CARMIL1: variants seen among roughly 807,000 people sequenced by gnomAD.
The protein encoded by CARMIL1 is F-actin-uncapping protein LRRC16A.
CARMIL1 carries 90 observed loss-of-function variants against 177.1 expected under a neutral mutation model. The ratio of observed to expected loss-of-function variants is 0.51; its 90% confidence interval spans 0.43 to 0.61. The LOEUF is 0.61. Among genes scored for constraint, CARMIL1 ranks in the 20% least tolerant of loss-of-function variants. The probability of loss-of-function intolerance (pLI) is 0.00; values close to 1 mark genes in which losing one functional copy is unlikely to be tolerated. For synonymous variants in CARMIL1, 577 were observed against 606.2 expected (o/e 0.95, Z 0.71); for missense variants, 1,380 against 1,667.0 (o/e 0.83, Z 3.00).
intron 2 of CARMIL1, among the ~76,000 whole-genome samples, chr6:25,341,196 T>G (rs1786900667): frequency 6.6e-6 from 1 of 152,136 alleles, no homozygotes; most frequent in Non-Finnish European, 1.5e-5. Context: ...TTGCTGTCAT[T>G]TACATAGCTA....
At position 25,602,855 on chromosome 6, in the gene CARMIL1, T is replaced by C. The variant is rs542546934; in HGVS notation, c.3553-1957T>C. ...TGAGATATATACATATAAATATGTT[T>C]AAAGAAAAAGAACTGTAAGTATGAA... On this transcript the variant is annotated intron_variant, in intron 33 of 36. Transcript: ENST00000329474. Among the ~76,000 whole-genome samples the C allele has an allele frequency of 4.6e-5, 7 of 152,336 alleles. No homozygotes were observed. The East Asian group carries it at 1.2e-3, about 25-fold the overall frequency.
intron 2 of CARMIL1, among the ~76,000 whole-genome samples, chr6:25,321,238 A>C (rs1784650506): frequency 1.3e-5 from 2 of 152,224 alleles, no homozygotes; most frequent in Non-Finnish European, 2.9e-5. Flanking sequence ...ATCTTTATTG[A>C]GCACCCACCC....
chr6:25,301,705 T>C (rs537915736), intron 2 of CARMIL1, among the ~76,000 whole-genome samples: 51 of 152,318 alleles, frequency 3.3e-4, no homozygotes, highest in African/African-American at 9.4e-4. Flanking sequence ...CTGGGTAGCC[T>C]CTGCCTCTTT....
rs1808460958 is a variant in CARMIL1, at chr6:25,537,867, A to C, written c.2080A>C (p.Ile694Leu). The change falls in exon 25 of 37, where the codon ATA (isoleucine) becomes CTA (leucine). Residue 694 changes from isoleucine to leucine, a missense_variant. Transcript: ENST00000329474. ...TGGTTTGGAGCAGATGATTGACAGA[A>C]TATGTGTGAAAGTACAAGATCATCT... ...TSTTQQMIDR[I>L]CVKVQDHLNS... 2.5e-6 allele frequency: 4 copies of C among 1,610,812 alleles called. No individual in the cohort carries two copies. The highest frequency in any genetic ancestry group is 3.4e-6 in the Non-Finnish European group (4 of 1,178,794).
At chr6:25,378,416 T>C (rs1791220018) in intron 2 of CARMIL1, among the ~76,000 whole-genome samples, 1 of 152,204 alleles carries the variant, frequency 6.6e-6, no homozygotes, top group South Asian at 2.1e-4. Flanking sequence ...TGCCCCTCAG[T>C]TCTGGCCAAG....
At chr6:25,548,848 G>A (rs2151159443) in intron 26 of CARMIL1, among the ~76,000 whole-genome samples, 1 of 152,296 alleles carries the variant, frequency 6.6e-6, no homozygotes, top group South Asian at 2.1e-4. Context: ...CCAGTGACCA[G>A]CTGAGCAACC....
At chr6:25,453,148 A>G (rs539626238) in intron 8 of CARMIL1, among the ~76,000 whole-genome samples, 2 of 152,338 alleles carry the variant, frequency 1.3e-5, no homozygotes, top group South Asian at 4.1e-4. Flanking sequence ...CTGATATTAT[A>G]AAAGTTTTTT....
At chr6:25,368,466 A>G (rs1356098815) in intron 2 of CARMIL1, among the ~76,000 whole-genome samples, 2 of 152,252 alleles carry the variant, frequency 1.3e-5, no homozygotes, top group African/African-American at 2.4e-5. Flanking sequence ...CACATTGAAC[A>G]GACAGCTAAC....
At chr6:25,329,516 GGACAT>G (rs1785412217) in intron 2 of CARMIL1, among the ~76,000 whole-genome samples, 1 of 152,192 alleles carries the variant, frequency 6.6e-6, no homozygotes, top group Non-Finnish European at 1.5e-5. Context: ...TAAATGATCA[GGACAT>G]GACACATTCA....
chr6:25,556,020 T>C (rs1810580354), intron 28 of CARMIL1, among the ~76,000 whole-genome samples: 1 of 152,166 alleles, frequency 6.6e-6, no homozygotes, highest in South Asian at 2.1e-4. Context: ...AAGGAAATAC[T>C]GTCTTCAAAA....
intron 22 of CARMIL1, among the ~76,000 whole-genome samples, chr6:25,519,284 C>T (rs904072420): frequency 3.9e-5 from 6 of 152,138 alleles, no homozygotes; most frequent in African/African-American, 1.4e-4. Flanking sequence ...CACCAAGTAG[C>T]CCGAGGTGAA....
chr6:25,572,694 C>T (rs1451889114), intron 29 of CARMIL1, among the ~76,000 whole-genome samples: 1 of 126,916 alleles, frequency 7.9e-6, no homozygotes, highest in African/African-American at 3.0e-5. Context: ...TAGAGCCAGA[C>T]CTTGTCTCAA....
intron 8 of CARMIL1, chr6:25,452,603 G>T (rs977352477): frequency 6.3e-6 from 1 of 158,294 alleles, no homozygotes; most frequent in Non-Finnish European, 1.4e-5. Context: ...ACTAACATAG[G>T]TACTGTTTTT....
At chr6:25,375,863 T>A (rs1318930979) in intron 2 of CARMIL1, among the ~76,000 whole-genome samples, 4 of 152,220 alleles carry the variant, frequency 2.6e-5, no homozygotes, top group Non-Finnish European at 5.9e-5. Context: ...ATCTGTCTCT[T>A]TAGAAAATTT....
intron 8 of CARMIL1, among the ~76,000 whole-genome samples, chr6:25,457,443 G>C (rs896929694): frequency 6.6e-6 from 1 of 152,098 alleles, no homozygotes; most frequent in Non-Finnish European, 1.5e-5. Context: ...TCCCAGAGTT[G>C]GTGAGTGGTT....
chr6:25,290,636 T>C (rs1433165052), intron 2 of CARMIL1, among the ~76,000 whole-genome samples: 1 of 152,128 alleles, frequency 6.6e-6, no homozygotes, highest in Non-Finnish European at 1.5e-5. Flanking sequence ...CTTTGTAAAA[T>C]GGGTCAGAAG....
chr6:25,493,429 A>G (rs1054213858), intron 15 of CARMIL1, among the ~76,000 whole-genome samples: 1 of 152,218 alleles, frequency 6.6e-6, no homozygotes, highest in East Asian at 1.9e-4. Context: ...ATCCATCAGG[A>G]TAAGTTAGAT....
At chr6:25,384,514 T>C (rs1355813671) in intron 2 of CARMIL1, among the ~76,000 whole-genome samples, 1 of 152,232 alleles carries the variant, frequency 6.6e-6, no homozygotes, top group Non-Finnish European at 1.5e-5. Context: ...GTCCGTTGGG[T>C]GATGGTTGAG....
In CARMIL1 at chr6:25,479,655, G is replaced by T. The variant is rs144652090; in HGVS notation, c.875-2602G>T. Among the ~76,000 whole-genome samples, 491 of 151,990 alleles carry T rather than the reference G, an allele frequency of 3.2e-3. 11 individuals carry two copies. In the East Asian group the frequency reaches 0.041, roughly 13 times the overall value. ...TTTTATGGCTGCTATCTATTTAACTGGATTCTTCCCTTTTTCTTATTTTTT... is the reference window on the plus strand; with the variant it reads ...TTTTATGGCTGCTATCTATTTAACTTGATTCTTCCCTTTTTCTTATTTTTT... On this transcript the variant is annotated intron_variant, in intron 11 of 36. Coordinates refer to ENST00000329474, the MANE Select transcript of CARMIL1 (RefSeq NM_017640.6).
Sources: allele counts gnomAD v4.1 joint callset (sites outside exome capture counted in the v4.1 genomes callset), GRCh38; gene constraint gnomAD v4.1.1; transcripts MANE v1.5; gene names NCBI Gene and HGNC (gene_info 2026-07-23, HGNC 2026-07-21).